FNDC3B: variants seen among roughly 807,000 people sequenced by gnomAD.
FNDC3B encodes fibronectin type III domain-containing protein 3B.
FNDC3B carries 12 observed loss-of-function variants against 151.5 expected under a neutral mutation model. That is an observed-to-expected ratio of 0.08 (90% CI 0.05 to 0.13). The LOEUF is 0.13. FNDC3B is among the 10% of genes least tolerant of loss of function. The pLI, the probability that FNDC3B is intolerant of heterozygous loss-of-function variation, is 1.00. For synonymous variants in FNDC3B, 528 were observed against 549.0 expected, an observed-to-expected ratio of 0.96 and a Z score of 0.54; for missense variants, 1,214 against 1,505.3, an observed-to-expected ratio of 0.81 and a Z score of 3.20.
At chr3:172,230,700 C>T (rs1726846234) in intron 4 of FNDC3B, among the ~76,000 whole-genome samples, 2 of 152,088 alleles carry the variant, frequency 1.3e-5, no homozygotes, top group South Asian at 4.2e-4. Flanking sequence ...ATACAAATGG[C>T]CAGTTAGAGC....
chr3:172,281,857 T>C (rs1729742332), intron 6 of FNDC3B, among the ~76,000 whole-genome samples: 1 of 152,182 alleles, frequency 6.6e-6, no homozygotes. Context: ...AGGGGATCAG[T>C]TATTCTTCTT....
intron 3 of FNDC3B, chr3:172,184,211 T>G (rs926342458): frequency 1.3e-5 from 2 of 152,210 alleles, no homozygotes; most frequent in African/African-American, 2.4e-5. Flanking sequence ...CTCTGCTGCT[T>G]CTTGTACCCT....
chr3:172,064,067 G>C (rs1717363030), intron 1 of FNDC3B, among the ~76,000 whole-genome samples: 1 of 152,056 alleles, frequency 6.6e-6, no homozygotes, highest in Non-Finnish European at 1.5e-5. Flanking sequence ...GATTGCTTGA[G>C]GCCAGGAGTT....
chr3:172,060,629 A>G (rs919036724), intron 1 of FNDC3B, among the ~76,000 whole-genome samples: 1 of 152,198 alleles, frequency 6.6e-6, no homozygotes, highest in African/African-American at 2.4e-5. Context: ...GGAGATGTCT[A>G]ATTCCTCTGT....
chr3:172,248,311 C>T (rs1200339613), intron 5 of FNDC3B, among the ~76,000 whole-genome samples: 1 of 152,156 alleles, frequency 6.6e-6, no homozygotes, highest in Non-Finnish European at 1.5e-5. Context: ...ATGTGGCCTT[C>T]CTGAACCTGC....
intron 6 of FNDC3B, among the ~76,000 whole-genome samples, chr3:172,277,253 A>C (rs778506521): frequency 1.1e-4 from 16 of 152,360 alleles, no homozygotes; most frequent in Non-Finnish European, 2.4e-4. Flanking sequence ...TGCTATAATT[A>C]TAGCAGCCTG....
At chr3:172,041,625 T>TA (rs1462563682) in intron 1 of FNDC3B, among the ~76,000 whole-genome samples, 1 of 151,932 alleles carries the variant, frequency 6.6e-6, no homozygotes, top group Non-Finnish European at 1.5e-5. Flanking sequence ...TAACACTTTT[T>TA]TTTTGAGGCC....
intron 23 of FNDC3B, among the ~76,000 whole-genome samples, chr3:172,377,181 C>A (rs1477336031): frequency 6.6e-6 from 1 of 152,252 alleles, no homozygotes; most frequent in Non-Finnish European, 1.5e-5. Context: ...TAGTGGCCAA[C>A]TTCCAGTATC....
intron 4 of FNDC3B, among the ~76,000 whole-genome samples, chr3:172,231,948 T>G (rs939263510): frequency 6.6e-6 from 1 of 150,410 alleles, no homozygotes. Context: ...TGGCATGATC[T>G]TGGCTCACTG....
intron 3 of FNDC3B, among the ~76,000 whole-genome samples, chr3:172,204,593 T>C (rs1304781681): frequency 6.6e-6 from 1 of 152,208 alleles, no homozygotes. Flanking sequence ...AATTGATACA[T>C]ATGAAGGAGT....
intron 3 of FNDC3B, among the ~76,000 whole-genome samples, chr3:172,208,196 A>G (rs1476283283): frequency 1.3e-5 from 2 of 152,228 alleles, no homozygotes; most frequent in African/African-American, 4.8e-5. Flanking sequence ...CACCTGGGAA[A>G]GAAAAACCGA....
chr3:172,076,068 C>T (rs546987864), intron 1 of FNDC3B, among the ~76,000 whole-genome samples: 38 of 152,224 alleles, frequency 2.5e-4, no homozygotes, highest in East Asian at 2.3e-3. Context: ...CTTTTTCTTT[C>T]GTGATTTGAT....
chr3:172,345,028 A>G (rs1733533563), intron 19 of FNDC3B, among the ~76,000 whole-genome samples: 1 of 151,966 alleles, frequency 6.6e-6, no homozygotes, highest in African/African-American at 2.4e-5. Context: ...ATGCAAATAA[A>G]TAGAATTAAT....
chr3:172,241,827 C>A (rs1727507764), intron 4 of FNDC3B, among the ~76,000 whole-genome samples: 1 of 152,174 alleles, frequency 6.6e-6, no homozygotes, highest in Admixed American at 6.5e-5. Context: ...TCCTACAGTC[C>A]CTCAAAATCT....
intron 9 of FNDC3B, chr3:172,302,079 G>A (rs886247081): frequency 6.6e-6 from 1 of 152,088 alleles, no homozygotes; most frequent in Non-Finnish European, 1.5e-5. Context: ...GTCTCACCTA[G>A]ACTTCTGTTC....
Position 172,142,016 on chromosome 3 carries a change from TAA to T in FNDC3B, c.187+8473_187+8474del, listed in dbSNP as rs914654342. 1.1e-4 allele frequency among the ~76,000 whole-genome samples: 16 copies of T among 152,318 alleles called. No homozygotes were observed. In the East Asian group the frequency reaches 2.5e-3, roughly 24 times the overall value. On this transcript the variant is annotated intron_variant, in intron 3 of 25. Transcript: ENST00000415807. The stretch of plus-strand genomic sequence containing the variant: ...TCCCCTGCACATTAGATGTATATTG[TAA>T]AATTAGTTCCTTAACTTCTCTACAC...
intron 3 of FNDC3B, among the ~76,000 whole-genome samples, chr3:172,170,321 C>G (rs1723224509): frequency 6.6e-6 from 1 of 152,224 alleles, no homozygotes; most frequent in Non-Finnish European, 1.5e-5. Flanking sequence ...CCGTGTTCCG[C>G]TTTGCCCAAG....
intron 3 of FNDC3B, among the ~76,000 whole-genome samples, chr3:172,161,657 A>G (rs1269105843): frequency 6.6e-6 from 1 of 152,208 alleles, no homozygotes. Context: ...TTGTGCCTTG[A>G]CTGTGGTAGT....
chr3:172,258,505 G>C (rs772075497), intron 6 of FNDC3B, among the ~76,000 whole-genome samples: 1 of 152,220 alleles, frequency 6.6e-6, no homozygotes, highest in Non-Finnish European at 1.5e-5. Flanking sequence ...CAGCAAGAAA[G>C]TGTATTCACA....
Sources: allele counts gnomAD v4.1 joint callset (sites outside exome capture counted in the v4.1 genomes callset), GRCh38; gene constraint gnomAD v4.1.1; transcripts MANE v1.5; gene names NCBI Gene and HGNC (gene_info 2026-07-23, HGNC 2026-07-21).